PBRM1: variants seen among roughly 807,000 people sequenced by gnomAD.
PBRM1 encodes the protein polybromo 1.
PBRM1 carries 27 observed loss-of-function variants against 194.5 expected under a neutral mutation model. The observed-to-expected ratio is 0.14, with a 90% CI of 0.10 to 0.19. The LOEUF (loss-of-function observed/expected upper bound fraction) is 0.19. Among genes scored for constraint, PBRM1 ranks in the 10% least tolerant of loss-of-function variants. PBRM1 has a pLI of 1.00. For synonymous variants in PBRM1, 655 were observed against 693.2 expected, an observed-to-expected ratio of 0.94 and a Z score of 0.87; for missense variants, 1,466 against 2,077.2, an observed-to-expected ratio of 0.71 and a Z score of 5.72.
rs115689148 is a variant in PBRM1 at position 52,652,111 on chromosome 3, C to T, written c.646-301G>A. Among the ~76,000 whole-genome samples, 4,619 of 152,274 alleles carry T rather than the reference C, an allele frequency of 0.03. 108 individuals are homozygous for T. Among genetic ancestry groups the T allele is most frequent in the Non-Finnish European group, 0.044 (3,020 of 68,012 alleles). On this transcript the variant is annotated intron_variant, in intron 5 of 29. Coordinates refer to ENST00000296302, the Ensembl canonical transcript of PBRM1. The stretch of plus-strand genomic sequence containing the variant: ...AAAAATTCTAGGCTGGGGCCGGGTG[C>T]GGTAGCTCACGCCTGCAATCCCAGC...
intron 18 of PBRM1, among the ~76,000 whole-genome samples, chr3:52,588,548 CTTT>C (rs1276782956): frequency 7.3e-6 from 1 of 136,784 alleles, no homozygotes; most frequent in Non-Finnish European, 1.6e-5. Flanking sequence ...AGCTGTATTT[CTTT>C]CTTTTTTTTT....
At position 52,643,372 on chromosome 3, in the gene PBRM1, A is replaced by G. The variant is rs766197300; in HGVS notation, c.900-29T>C. On this transcript the variant is annotated intron_variant, in intron 8 of 29. Coordinates refer to ENST00000296302, the Ensembl canonical transcript of PBRM1. ...TCCAGAGATAAGATAAAAAGCTTAG[A>G]AACTTGGTAGCTGAAATTAGAGTGC... is the stretch of plus-strand genomic sequence containing the variant. The G allele has an allele frequency of 1.6e-5, 23 of 1,465,482 alleles. 1 individual carries two copies. The East Asian group carries it at 5.2e-4, about 33-fold the overall frequency. The allele number at this position is 1,465,482 out of a possible 1,614,324, so 90.8% of individuals were successfully genotyped here. A position where few individuals can be genotyped will look rare whatever the true frequency, so the allele number is the denominator to read the frequency against.
intron 25 of PBRM1, among the ~76,000 whole-genome samples, chr3:52,559,623 G>A (rs966523876): frequency 3.3e-5 from 5 of 152,038 alleles, no homozygotes; most frequent in Non-Finnish European, 7.4e-5. Flanking sequence ...TTTCAGGAGG[G>A]GGAAAATAGC....
chr3:52,566,429 C>T (rs1160581391), intron 22 of PBRM1, among the ~76,000 whole-genome samples: 2 of 152,048 alleles, frequency 1.3e-5, no homozygotes, highest in East Asian at 1.9e-4. Context: ...GTGAAAACAA[C>T]CTACATGTCC....
At chr3:52,570,915 G>A (rs888269164) in intron 22 of PBRM1, among the ~76,000 whole-genome samples, 3 of 150,080 alleles carry the variant, frequency 2.0e-5, no homozygotes, top group African/African-American at 7.4e-5. Flanking sequence ...TTTTGGTAGA[G>A]TTTCCTTCTG....
chr3:52,615,517 C>T (rs1451239244), intron 14 of PBRM1, 61 bp from the exon 17 acceptor site: 6 of 1,037,266 alleles, frequency 5.8e-6, no homozygotes, highest in East Asian at 2.4e-5. Flanking sequence ...GTATAAAATG[C>T]ATCCATAAAG....
At chr3:52,635,579 AAAAC>A (rs1178450686) in intron 10 of PBRM1, among the ~76,000 whole-genome samples, 8 of 152,134 alleles carry the variant, frequency 5.3e-5, no homozygotes, top group African/African-American at 1.9e-4. Context: ...AACAAATACA[AAAAC>A]AAAAAAACCT....
chr3:52,618,977 G>A (rs1018410771), intron 13 of PBRM1, among the ~76,000 whole-genome samples: 6 of 152,168 alleles, frequency 3.9e-5, no homozygotes, highest in South Asian at 2.1e-4. Flanking sequence ...TCGAACTCCC[G>A]ACCTCAGGTG....
At chr3:52,668,867 T>C (rs1481891999) in intron 2 of PBRM1, among the ~76,000 whole-genome samples, 1 of 151,692 alleles carries the variant, frequency 6.6e-6, no homozygotes, top group East Asian at 1.9e-4. Context: ...AAAACATACG[T>C]TAATGATATA....
chr3:52,669,085 A>AT (rs2096898213), intron 2 of PBRM1, among the ~76,000 whole-genome samples: 1 of 152,138 alleles, frequency 6.6e-6, no homozygotes, highest in African/African-American at 2.4e-5. Context: ...GACCACATAA[A>AT]TTTTTTCTGC....
chr3:52,554,846 G>A (rs2081891193), exon 27 of PBRM1: 1 of 1,607,292 alleles, frequency 6.2e-7, no homozygotes, highest in Non-Finnish European at 8.5e-7. Flanking sequence ...GCCCTGCAAA[G>A]GTGGAAGGCC....
chr3:52,632,252 C>A (rs1275486738), intron 11 of PBRM1, among the ~76,000 whole-genome samples: 1 of 152,116 alleles, frequency 6.6e-6, no homozygotes, highest in Admixed American at 6.6e-5. Flanking sequence ...CAAAAATATA[C>A]TCCATGACAT....
At chr3:52,561,194 C>T (rs2083434102) in intron 25 of PBRM1, among the ~76,000 whole-genome samples, 1 of 152,006 alleles carries the variant, frequency 6.6e-6, no homozygotes, top group African/African-American at 2.4e-5. Context: ...AGCTCACTGC[C>T]CAAAGTGATT....
intron 10 of PBRM1, among the ~76,000 whole-genome samples, chr3:52,637,773 C>CAAAAAAAAAAA (rs755241328): frequency 0.019 from 783 of 42,170 alleles, 65 homozygotes; most frequent in African/African-American, 0.048. Flanking sequence ...ACTAAAAATA[C>CAAAAAAAAAAA]AAAAAAAAAA....
chr3:52,629,064 T>A, intron 11 of PBRM1, 29 bp from the exon 13 acceptor site: 1 of 1,553,836 alleles, frequency 6.4e-7, no homozygotes, highest in East Asian at 2.3e-5. Context: ...TTGCTAGAAT[T>A]TTCTGTCATG....
upstream of PBRM1, among the ~76,000 whole-genome samples, chr3:52,683,645 C>G (rs931243515): frequency 1.3e-5 from 2 of 151,888 alleles, no homozygotes; most frequent in African/African-American, 4.8e-5. Flanking sequence ...GAAACCCCGT[C>G]TCTATCAAAA....
chr3:52,630,139 T>C (rs537180354), intron 11 of PBRM1, among the ~76,000 whole-genome samples: 3 of 151,888 alleles, frequency 2.0e-5, no homozygotes, highest in Non-Finnish European at 2.9e-5. Flanking sequence ...AAACCCAAAC[T>C]TGCAAATGAC....
intron 16 of PBRM1, among the ~76,000 whole-genome samples, chr3:52,605,135 G>A (rs1434842754): frequency 6.6e-6 from 1 of 152,118 alleles, no homozygotes; most frequent in African/African-American, 2.4e-5. Context: ...GCTGGGTCTT[G>A]CCCTGTCACC....
chr3:52,612,237 C>A (rs1272003507), intron 15 of PBRM1, among the ~76,000 whole-genome samples: 2 of 102,860 alleles, frequency 1.9e-5, no homozygotes, highest in South Asian at 3.1e-4. Flanking sequence ...CCAGCCTAGG[C>A]AACAGAGCGA....
Sources: allele counts gnomAD v4.1 joint callset (sites outside exome capture counted in the v4.1 genomes callset), GRCh38; gene constraint gnomAD v4.1.1; transcripts MANE v1.5; gene names NCBI Gene and HGNC (gene_info 2026-07-23, HGNC 2026-07-21).